The following HEXD variants were observed in gnomAD, a reference collection of about 807,000 sequenced individuals.
HEXD encodes hexosaminidase D, also known as N-acetyl-beta-galactosaminidase.
HEXD carries 47 observed loss-of-function variants against 54.2 expected under a neutral mutation model. The observed-to-expected ratio is 0.87, with a 90% CI of 0.69 to 1.11. The LOEUF is 1.11. HEXD is among the 50% of genes least tolerant of loss of function. The probability of loss-of-function intolerance (pLI) is 0.00; values close to 1 mark genes in which losing one functional copy is unlikely to be tolerated. For synonymous variants in HEXD, 293 were observed against 287.6 expected (o/e 1.02, Z -0.19); for missense variants, 576 against 649.2 (o/e 0.89, Z 1.23).
chr17:82,428,662 G>C lies in HEXD; in HGVS notation c.282+17G>C. 1 of 1,607,174 alleles carries C rather than the reference G, an allele frequency of 6.2e-7. No individual in the cohort carries two copies. Among genetic ancestry groups the C allele is most frequent in the Non-Finnish European group, 8.5e-7 (1 of 1,173,806 alleles). ...CACATGGAGGTGAGTGGCAGAAATG[G>C]AAGTTACCTGGTGCCAGGTGTGGGG... On this transcript the variant is annotated intron_variant, in intron 4 of 12. Transcript: ENST00000327949.
At chr17:82,438,743 C>T (rs1048122431) in intron 8 of HEXD, among the ~76,000 whole-genome samples, 3 of 152,216 alleles carry the variant, frequency 2.0e-5, no homozygotes, top group African/African-American at 2.4e-5. Flanking sequence ...TGGTGGGGAC[C>T]GCAGAGCCTG....
chr17:82,441,761 T>A, intron 11 of HEXD, 39 bp from the exon 12 acceptor site: 1 of 1,549,356 alleles, frequency 6.5e-7, no homozygotes, highest in Admixed American at 1.7e-5. Context: ...ACGGCTGCCT[T>A]GGTAGCCCGC....
rs775131565 is a variant in HEXD, at chr17:82,424,552, G to A, written c.194+49G>A. 6.6e-6 allele frequency: 9 copies of A among 1,372,096 alleles called. No individual in the cohort carries two copies. The South Asian group carries it at 8.2e-5, about 12-fold the overall frequency. The allele number at this position is 1,372,096 out of a possible 1,614,324, so 85.0% of individuals were successfully genotyped here. On this transcript the variant is annotated intron_variant, in intron 3 of 12. Coordinates refer to ENST00000327949, the MANE Select transcript of HEXD (RefSeq NM_001330542.2). ...AGGGGCGCGGCGTGAAAGCGGGGAA[G>A]GGGGGGTTCCGCAGGGCAGGAGGAG...
At chr17:82,439,466 C>T (rs2053864488) in intron 8 of HEXD, 165 bp from the exon 9 acceptor site, 1 of 985,334 alleles carries the variant, frequency 1.0e-6, no homozygotes, top group African/African-American at 1.7e-5. Context: ...CGCACAGAAC[C>T]TGTCTTGGAA....
At chr17:82,433,266 A>T (rs1453584629) in intron 4 of HEXD, among the ~76,000 whole-genome samples, 2 of 149,648 alleles carry the variant, frequency 1.3e-5, no homozygotes, top group Non-Finnish European at 3.0e-5. Context: ...ACATAGTGAA[A>T]CGCCATCTCT....
intron 8 of HEXD, among the ~76,000 whole-genome samples, chr17:82,439,162 T>A (rs533563192): frequency 1.3e-5 from 2 of 152,238 alleles, no homozygotes; most frequent in East Asian, 3.9e-4. Context: ...TCTCTCGCCC[T>A]CCTCATGGGG....
At chr17:82,440,849 G>T in intron 9 of HEXD, 148 bp from the exon 10 acceptor site, 1 of 830,636 alleles carries the variant, frequency 1.2e-6, no homozygotes, top group Non-Finnish European at 2.0e-6. Context: ...AGGTCCCCTT[G>T]GGGCCGGCAC....
At chr17:82,430,078 G>C (rs868540249) in intron 4 of HEXD, among the ~76,000 whole-genome samples, 1 of 151,988 alleles carries the variant, frequency 6.6e-6, no homozygotes, top group Non-Finnish European at 1.5e-5. Flanking sequence ...TGTCATGCAG[G>C]CACCACCCCT....
intron 2 of HEXD, among the ~76,000 whole-genome samples, chr17:82,421,198 G>A (rs2053225251): frequency 2.0e-5 from 3 of 152,028 alleles, no homozygotes; most frequent in African/African-American, 4.8e-5. Context: ...GGGAGGCCGA[G>A]GCTGCAAGGC....
chr17:82,424,228 G>T (rs1224617531), intron 2 of HEXD, among the ~76,000 whole-genome samples, 166 bp from the exon 3 acceptor site: 1 of 152,170 alleles, frequency 6.6e-6, no homozygotes, highest in Non-Finnish European at 1.5e-5. Context: ...GTTTCATTTG[G>T]CATAACGTAA....
Position 82,442,031 on chromosome 17 carries a change from C to T in HEXD, c.1253+142C>T, listed in dbSNP as rs1431735909. On this transcript the variant is annotated intron_variant, in intron 12 of 12. Coordinates refer to ENST00000327949, the MANE Select transcript of HEXD (RefSeq NM_001330542.2). This position sits in a 1 kb window ranked among gnomAD's most constrained non-coding sequence, Gnocchi z 6.8. ...TCTGGTCTCAGATGTGCAGCTGTCACCGACTTGTTCCTCCCGACATGCCGA... is the reference window on the plus strand; with the variant it reads ...TCTGGTCTCAGATGTGCAGCTGTCATCGACTTGTTCCTCCCGACATGCCGA... The T allele has an allele frequency of 1.5e-6, 2 of 1,296,326 alleles. No homozygotes were observed. Among genetic ancestry groups the T allele is most frequent in the African/African-American group, 2.9e-5 (2 of 68,482 alleles). 80.3% of individuals were successfully genotyped at this position (1,296,326 alleles called of 1,614,324 possible).
intron 4 of HEXD, among the ~76,000 whole-genome samples, chr17:82,429,478 C>T (rs574386614): frequency 2.0e-4 from 31 of 152,140 alleles, no homozygotes; most frequent in African/African-American, 7.2e-4. Context: ...CTTCCCACAG[C>T]TCGGTCCTCC....
chr17:82,430,378 T>C (rs996783653), intron 4 of HEXD, among the ~76,000 whole-genome samples: 1 of 152,174 alleles, frequency 6.6e-6, no homozygotes, highest in African/African-American at 2.4e-5. Context: ...CATTTACTAT[T>C]AGTATACCCT....
At chr17:82,425,388 C>A in intron 3 of HEXD, 1 of 172,324 alleles carries the variant, frequency 5.8e-6, no homozygotes, top group Non-Finnish European at 1.2e-5. Flanking sequence ...CTGGAGGAGG[C>A]TGTAGAAGGC....
intron 9 of HEXD, chr17:82,439,962 C>CA: frequency 6.7e-7 from 1 of 1,489,396 alleles, no homozygotes; most frequent in East Asian, 2.7e-5. Context: ...ACCCCTCAGA[C>CA]ACAGTGAATC....
At chr17:82,424,619 A>G (rs2053343430) in intron 3 of HEXD, 116 bp downstream of exon 3, 2 of 649,428 alleles carry the variant, frequency 3.1e-6, no homozygotes, top group East Asian at 2.7e-5. Context: ...GGAACTGAAC[A>G]GTGGTGGGTA....
At position 82,435,762 on chromosome 17, in the gene HEXD, G is replaced by A; in HGVS notation, c.521G>A (p.Cys174Tyr). 1 of 1,613,000 alleles carries A rather than the reference G, an allele frequency of 6.2e-7. No homozygotes were observed. The highest frequency in any genetic ancestry group is 8.5e-7 in the Non-Finnish European group (1 of 1,179,904). The change falls in exon 6 of 13, where the codon TGC (cysteine) becomes TAC (tyrosine). Residue 174 changes from cysteine to tyrosine, a missense_variant. Cys to Tyr is a radical substitution (Grantham distance 194, BLOSUM62 -2). Coordinates refer to ENST00000327949, the MANE Select transcript of HEXD (RefSeq NM_001330542.2). ...QQEQNSTGKL[C>Y]LSHMRAVASG... ...GAGCAGAACAGCACGGGGAAGTTGTGCCTGTCACACATGCGGGCGGTGGCC... is the reference window on the plus strand; with the variant it reads ...GAGCAGAACAGCACGGGGAAGTTGTACCTGTCACACATGCGGGCGGTGGCC...
chr17:82,432,854 G>A (rs968776535), intron 4 of HEXD, among the ~76,000 whole-genome samples: 2 of 144,458 alleles, frequency 1.4e-5, no homozygotes, highest in Non-Finnish European at 3.0e-5. Flanking sequence ...ACAAGGTCAG[G>A]AGATCGAGAC....
intron 11 of HEXD, 101 bp downstream of exon 11, chr17:82,441,367 G>A (rs1189574580): frequency 3.0e-6 from 4 of 1,339,942 alleles, no homozygotes; most frequent in Non-Finnish European, 4.0e-6. Flanking sequence ...GCGGGTGAGG[G>A]GCAGGTGCAG....
Sources: allele counts gnomAD v4.1 joint callset (sites outside exome capture counted in the v4.1 genomes callset), GRCh38; gene constraint gnomAD v4.1.1; non-coding constraint Gnocchi (gnomAD v3.1); transcripts MANE v1.5; gene names NCBI Gene and HGNC (gene_info 2026-07-23, HGNC 2026-07-21).